The following PTPRD variants were observed in gnomAD, a reference collection of about 807,000 sequenced individuals.
PTPRD encodes protein tyrosine phosphatase receptor type D.
Under a neutral mutation model 214.5 loss-of-function variants are expected in PTPRD, and 34 were observed. That is an observed-to-expected ratio of 0.16 (90% confidence interval 0.12 to 0.21). PTPRD has a LOEUF of 0.21. PTPRD is among the 10% of genes least tolerant of loss of function. The pLI is 1.00. For synonymous variants in PTPRD, 1,128 were observed against 845.7 expected (o/e 1.33, Z -5.79); for missense variants, 2,545 against 2,398.7 (o/e 1.06, Z -1.27).
intron 10 of PTPRD, among the ~76,000 whole-genome samples, chr9:9,126,559 A>C (rs953996342): frequency 9.3e-4 from 141 of 152,256 alleles, no homozygotes; most frequent in African/African-American, 3.4e-3. Flanking sequence ...GATTCAAAAC[A>C]TTTCAAATAT....
intron 12 of PTPRD, among the ~76,000 whole-genome samples, chr9:8,637,530 C>T (rs1201774575): frequency 6.6e-6 from 1 of 152,182 alleles, no homozygotes; most frequent in Non-Finnish European, 1.5e-5. Context: ...ATTACTAAGG[C>T]TAGCAAGATA....
At chr9:8,887,195 A>C (rs1423863618) in intron 11 of PTPRD, among the ~76,000 whole-genome samples, 2 of 152,202 alleles carry the variant, frequency 1.3e-5, no homozygotes, top group Non-Finnish European at 2.9e-5. Flanking sequence ...AACGCATGCT[A>C]TTAACCATTA....
At chr9:10,487,848 A>T (rs1021944531) in intron 2 of PTPRD, among the ~76,000 whole-genome samples, 20 of 143,418 alleles carry the variant, frequency 1.4e-4, no homozygotes, top group South Asian at 2.2e-4. Flanking sequence ...TTTTTTTTTT[A>T]AAAAGGAGAC....
intron 7 of PTPRD, among the ~76,000 whole-genome samples, chr9:9,732,019 G>C (rs2098203945): frequency 6.6e-6 from 1 of 152,058 alleles, no homozygotes; most frequent in Admixed American, 6.6e-5. Flanking sequence ...TAAAAACAAA[G>C]AGTTCAAGGA....
chr9:10,310,574 G>GA (rs113423947), intron 3 of PTPRD, among the ~76,000 whole-genome samples: 22 of 150,862 alleles, frequency 1.5e-4, no homozygotes, highest in South Asian at 4.2e-4. Context: ...CTGAGAGTTA[G>GA]AAAAAAAAAT....
chr9:8,442,603 T>A (rs1422210143), intron 34 of PTPRD, among the ~76,000 whole-genome samples: 1 of 152,180 alleles, frequency 6.6e-6, no homozygotes, highest in African/African-American at 2.4e-5. Flanking sequence ...ACCACAGTCT[T>A]AACAAAAGTA....
In PTPRD at chr9:9,104,896, G is replaced by C. The variant is rs1256621895; in HGVS notation, c.-143+78408C>G. Among the ~76,000 whole-genome samples, 7 of 152,150 alleles carry C rather than the reference G, an allele frequency of 4.6e-5. No homozygotes were observed. In the East Asian group the frequency reaches 1.2e-3, roughly 25 times the overall value. Reference sequence around the variant, plus strand: ...GAGTGAGACAAACAAACTGGTGGCTGGATTCCAGTGTGATAAGTGTGAGAT... The same window carrying C: ...GAGTGAGACAAACAAACTGGTGGCTCGATTCCAGTGTGATAAGTGTGAGAT... On this transcript the variant is annotated intron_variant, in intron 10 of 45. Coordinates refer to ENST00000381196, the MANE Select transcript of PTPRD (RefSeq NM_002839.4).
intron 4 of PTPRD, among the ~76,000 whole-genome samples, chr9:9,958,523 C>A (rs1359284566): frequency 1.3e-5 from 2 of 152,078 alleles, no homozygotes; most frequent in Non-Finnish European, 2.9e-5. Context: ...AAGAGCAAAA[C>A]TCCATCTCAA....
rs183369907 is a variant in PTPRD, at chr9:9,876,682, C to A, written c.-368+61825G>T. Among the ~76,000 whole-genome samples the A allele has an allele frequency of 2.0e-3, 306 of 152,218 alleles. 3 individuals carry two copies. The highest frequency in any genetic ancestry group is 6.9e-3 in the African/African-American group (287 of 41,548). Reference sequence around the variant, plus strand: ...GCATCTCCTTTTTACACATATTTGTCATTTTGGGAGCTCTTTCTCAAATTT... The same window carrying A: ...GCATCTCCTTTTTACACATATTTGTAATTTTGGGAGCTCTTTCTCAAATTT... On this transcript the variant is annotated intron_variant, in intron 5 of 45. Coordinates refer to ENST00000381196, the MANE Select transcript of PTPRD (RefSeq NM_002839.4).
At chr9:9,867,480 T>C (rs1485392363) in intron 5 of PTPRD, among the ~76,000 whole-genome samples, 66 of 151,974 alleles carry the variant, frequency 4.3e-4, no homozygotes, top group Non-Finnish European at 8.8e-5. Context: ...AAACATATTT[T>C]CCTCAACATA....
Position 10,582,855 on chromosome 9 carries a change from C to T in PTPRD, c.-600+29543G>A, listed in dbSNP as rs146244757. Among the ~76,000 whole-genome samples the T allele has an allele frequency of 3.3e-3, 506 of 152,176 alleles. 1 individual carries two copies. The highest frequency in any genetic ancestry group is 4.8e-3 in the Admixed American group (74 of 15,284). Reference sequence around the variant, plus strand: ...TGGTGTAAACTAACCTAGAAAACTACGTCAGGTGACAAAGAAGGGTTTCTT... The same window carrying T: ...TGGTGTAAACTAACCTAGAAAACTATGTCAGGTGACAAAGAAGGGTTTCTT... On this transcript the variant is annotated intron_variant, in intron 2 of 45. Transcript: ENST00000381196.
intron 5 of PTPRD, among the ~76,000 whole-genome samples, chr9:9,896,913 G>C (rs2075130461): frequency 6.6e-6 from 1 of 152,010 alleles, no homozygotes; most frequent in Non-Finnish European, 1.5e-5. Context: ...AAATTGATGA[G>C]TGAACGTGAG....
rs145645349 is a variant in PTPRD at position 8,736,489 on chromosome 9, G to A, written c.-103-2543C>T. Among the ~76,000 whole-genome samples the A allele has an allele frequency of 3.9e-3, 598 of 152,194 alleles. 4 individuals are homozygous for A. The highest frequency in any genetic ancestry group is 0.014 in the African/African-American group (564 of 41,546). On this transcript the variant is annotated intron_variant, in intron 11 of 45. Transcript: ENST00000381196. ...TGACAGGAAATACTAGAGATATCCA[G>A]CAATAACCTAATCCACTAAAATAAC...
chr9:8,430,437 A>ATTTT (rs4008183), intron 35 of PTPRD, among the ~76,000 whole-genome samples: 48 of 142,138 alleles, frequency 3.4e-4, no homozygotes, highest in South Asian at 6.9e-4. Context: ...CGACAGGCTA[A>ATTTT]TTTTTTTTTT....
At chr9:9,706,366 C>T (rs114683060) in intron 7 of PTPRD, among the ~76,000 whole-genome samples, 1,784 of 152,084 alleles carry the variant, frequency 0.012, 28 homozygotes, top group African/African-American at 0.041. Context: ...AATGTATTAT[C>T]AGACACCAAA....
chr9:9,629,238 G>GTGTATATATATATATA (rs149327972), intron 7 of PTPRD, among the ~76,000 whole-genome samples: 1,618 of 140,252 alleles, frequency 0.012, 11 homozygotes, highest in Non-Finnish European at 0.017. Context: ...GTGTGTGTGT[G>GTGTATATATATATATA]TATATATATA....
intron 2 of PTPRD, among the ~76,000 whole-genome samples, chr9:10,406,356 T>C (rs2098358547): frequency 6.6e-6 from 1 of 151,510 alleles, no homozygotes; most frequent in South Asian, 2.1e-4. Context: ...ATACCTAATA[T>C]TATAGTGGAA....
intron 3 of PTPRD, among the ~76,000 whole-genome samples, chr9:10,113,158 A>G (rs1465075926): frequency 6.6e-6 from 1 of 152,212 alleles, no homozygotes; most frequent in Non-Finnish European, 1.5e-5. Flanking sequence ...TCATGGGCTC[A>G]TTACAAAGAG....
intron 7 of PTPRD, among the ~76,000 whole-genome samples, chr9:9,581,548 A>G (rs901494240): frequency 1.3e-5 from 2 of 152,190 alleles, no homozygotes; most frequent in African/African-American, 2.4e-5. Context: ...CTGTTTCAGT[A>G]AAACCTTGCA....
Sources: allele counts gnomAD v4.1 joint callset (sites outside exome capture counted in the v4.1 genomes callset), GRCh38; gene constraint gnomAD v4.1.1; transcripts MANE v1.5; gene names NCBI Gene and HGNC (gene_info 2026-07-23, HGNC 2026-07-21).